LOC112267897: variants seen among roughly 807,000 people sequenced by gnomAD.
chr13:63,747,380 A>C, the LOC112267897 span: 1 of 444,742 alleles, frequency 2.2e-6, no homozygotes. Context: ...ACTGTTTTCC[A>C]AATGTTATCT....
chr13:63,746,996 A>C, the LOC112267897 span: 2 of 1,478,434 alleles, frequency 1.4e-6, no homozygotes, highest in Non-Finnish European at 1.9e-6. Flanking sequence ...TGGCTATGGA[A>C]CTGGCTACAG....
the LOC112267897 span, chr13:63,747,878 T>C: frequency 1.1e-5 from 1 of 90,572 alleles, no homozygotes; most frequent in African/African-American, 7.3e-5. Context: ...TGTGTTACAA[T>C]TGCCTATATT....
chr13:63,747,424 C>CT, the LOC112267897 span: 1 of 337,710 alleles, frequency 3.0e-6, no homozygotes, highest in Non-Finnish European at 5.1e-6. Flanking sequence ...TCTGTTATGA[C>CT]TGTGTTAATG....
the LOC112267897 span, chr13:63,747,048 G>T: frequency 6.3e-7 from 1 of 1,599,610 alleles, no homozygotes; most frequent in Non-Finnish European, 8.6e-7. Flanking sequence ...TATGGCTCTG[G>T]CTCTGGCTGT....
the LOC112267897 span, chr13:63,747,622 C>T: frequency 2.4e-5 from 4 of 163,764 alleles, no homozygotes; most frequent in East Asian, 4.6e-4. Context: ...TACATTTACC[C>T]TAATGCCTAA....
chr13:63,747,088 T>C, the LOC112267897 span: 21 of 1,604,780 alleles, frequency 1.3e-5, no homozygotes, highest in South Asian at 2.0e-4. Flanking sequence ...GCTGTGGGTA[T>C]GGCTGTGGTT....
At chr13:63,748,166 G>A in the LOC112267897 span, 9 of 43,398 alleles carry the variant, frequency 2.1e-4, no homozygotes, top group East Asian at 3.3e-3. Context: ...CTGGGATTGT[G>A]TAATGACTAA....
the LOC112267897 span, chr13:63,747,098 T>C: frequency 2.9e-4 from 459 of 1,604,364 alleles, 7 homozygotes; most frequent in Admixed American, 5.5e-4. Flanking sequence ...TGGCTGTGGT[T>C]ATGGAACTGG....
At chr13:63,746,938 T>C in the LOC112267897 span, 3 of 1,436,764 alleles carry the variant, frequency 2.1e-6, no homozygotes, top group Non-Finnish European at 2.9e-6. Flanking sequence ...GCTATGGCTG[T>C]GGCTATGGCT....
At chr13:63,746,926 T>C in the LOC112267897 span, 1 of 1,449,302 alleles carries the variant, frequency 6.9e-7, no homozygotes, top group Non-Finnish European at 9.6e-7. Context: ...GCTACAGCTG[T>C]GGCTATGGCT....
At chr13:63,746,952 G>T in the LOC112267897 span, 3 of 1,412,834 alleles carry the variant, frequency 2.1e-6, no homozygotes, top group South Asian at 2.3e-5. Context: ...TATGGCTCTG[G>T]TTATGGCTGT....
the LOC112267897 span, chr13:63,746,986 T>A: frequency 3.4e-5 from 49 of 1,454,906 alleles, 2 homozygotes; most frequent in Non-Finnish European, 4.5e-5. Flanking sequence ...GCTATGGCTG[T>A]GGCTATGGAA....
chr13:63,747,040 T>C, the LOC112267897 span: 3 of 1,594,194 alleles, frequency 1.9e-6, no homozygotes, highest in South Asian at 3.3e-5. Flanking sequence ...GCTGTGGCTA[T>C]GGCTCTGGCT....
At chr13:63,747,073 C>T in the LOC112267897 span, 32 of 1,606,182 alleles carry the variant, frequency 2.0e-5, no homozygotes, top group Non-Finnish European at 2.7e-5. Context: ...ATGGAACTGG[C>T]TTCGGCTGTG....
chr13:63,747,985 A>G, the LOC112267897 span: 1 of 32,554 alleles, frequency 3.1e-5, no homozygotes, highest in Non-Finnish European at 4.9e-5. Flanking sequence ...ATACAGGTTT[A>G]TGTAAGTACA....
At chr13:63,747,582 T>C in the LOC112267897 span, 3 of 181,706 alleles carry the variant, frequency 1.7e-5, no homozygotes, top group South Asian at 3.9e-5. Context: ...CTAAGTTTAA[T>C]GTATTATTGA....
the LOC112267897 span, chr13:63,747,120 G>T: frequency 1.4e-5 from 23 of 1,601,032 alleles, 1 homozygote; most frequent in South Asian, 5.5e-5. Flanking sequence ...TATGGCTGTG[G>T]ATGTGGCTCT....
At chr13:63,746,890 C>A in the LOC112267897 span, 1 of 1,124,178 alleles carries the variant, frequency 8.9e-7, no homozygotes, top group Non-Finnish European at 1.2e-6. Context: ...GCTATGGCTC[C>A]AGCTATGGCT....
At chr13:63,746,766 C>G in the LOC112267897 span, 1 of 1,420,478 alleles carries the variant, frequency 7.0e-7, no homozygotes, top group Non-Finnish European at 9.7e-7. Flanking sequence ...GAAGCATCTT[C>G]TTGAAACCCA....
Sources: gnomAD v4.1 joint callset for allele counts on GRCh38, gnomAD v4.1.1 for gene constraint, MANE v1.5 for transcripts.